DLG2: variants seen among roughly 807,000 people sequenced by gnomAD.
DLG2 encodes the protein discs large MAGUK scaffold protein 2.
Under a neutral mutation model 132.5 loss-of-function variants are expected in DLG2, and 45 were observed. The observed-to-expected ratio is 0.34, with a 90% CI of 0.27 to 0.44. The LOEUF (loss-of-function observed/expected upper bound fraction) is 0.44, where lower values mean the gene tolerates loss of function less well. DLG2 is among the 20% of genes least tolerant of loss of function. DLG2 has a pLI of 1.00. For missense variants in DLG2, 1,045 were observed against 1,196.9 expected (o/e 0.87, Z 1.87); for synonymous variants, 424 against 419.6 (o/e 1.01, Z -0.13).
chr11:84,644,030 G>A (rs1262767050), intron 6 of DLG2, among the ~76,000 whole-genome samples: 2 of 152,128 alleles, frequency 1.3e-5, no homozygotes, highest in African/African-American at 2.4e-5. Context: ...GCTGGTAAGT[G>A]GTAGATGGGG....
intron 3 of DLG2, among the ~76,000 whole-genome samples, chr11:85,387,447 T>C (rs1216047264): frequency 6.6e-6 from 1 of 152,232 alleles, no homozygotes; most frequent in Non-Finnish European, 1.5e-5. Flanking sequence ...AATACAAGCC[T>C]TACTAGTGAG....
intron 11 of DLG2, among the ~76,000 whole-genome samples, chr11:84,027,845 A>C (rs2095580526): frequency 6.6e-6 from 1 of 152,072 alleles, no homozygotes; most frequent in Non-Finnish European, 1.5e-5. Context: ...TTGTAAAATA[A>C]TGTAGGTCTA....
chr11:85,490,461 C>A (rs2093531029), intron 3 of DLG2, among the ~76,000 whole-genome samples: 1 of 151,538 alleles, frequency 6.6e-6, no homozygotes, highest in South Asian at 2.1e-4. Context: ...CAGAGCAGAA[C>A]TAAATGACAA....
At chr11:84,463,588 T>C (rs2099086124) in intron 7 of DLG2, among the ~76,000 whole-genome samples, 1 of 151,182 alleles carries the variant, frequency 6.6e-6, no homozygotes, top group Non-Finnish European at 1.5e-5. Flanking sequence ...TAGATGAAAC[T>C]GCCCCCACTA....
chr11:83,935,412 C>A (rs1374163448), intron 14 of DLG2, among the ~76,000 whole-genome samples: 4 of 152,152 alleles, frequency 2.6e-5, no homozygotes, highest in Non-Finnish European at 4.4e-5. Context: ...AGGCTGTGAA[C>A]TATGTGGCTC....
intron 6 of DLG2, among the ~76,000 whole-genome samples, chr11:84,880,006 T>A (rs2087029374): frequency 6.6e-6 from 1 of 151,854 alleles, no homozygotes; most frequent in Admixed American, 6.6e-5. Flanking sequence ...ACAAGCAAGC[T>A]GGAAATAAGA....
At chr11:85,058,843 C>T (rs2063730856) in intron 6 of DLG2, among the ~76,000 whole-genome samples, 1 of 151,258 alleles carries the variant, frequency 6.6e-6, no homozygotes, top group Non-Finnish European at 1.5e-5. Context: ...TGACCCCTTA[C>T]CTCATACTAT....
In DLG2 at chr11:84,645,794, A is replaced by T. The variant is rs569713659; in HGVS notation, c.358-111063T>A. Among the ~76,000 whole-genome samples, 5 of 152,238 alleles carry T rather than the reference A, an allele frequency of 3.3e-5. No homozygotes were observed. In the South Asian group the frequency reaches 1.0e-3, roughly 32 times the overall value. ...TAGTTATATTTAATAATGTTTTTGC[A>T]TAGAGTGGCTAGCACCACAGGTGAA... On this transcript the variant is annotated intron_variant, in intron 6 of 27. Coordinates refer to ENST00000376104, the MANE Select transcript of DLG2 (RefSeq NM_001142699.3).
chr11:84,575,260 CT>C (rs746598480), intron 6 of DLG2, among the ~76,000 whole-genome samples: 1 of 152,190 alleles, frequency 6.6e-6, no homozygotes, highest in South Asian at 2.1e-4. Flanking sequence ...CTAGCTTAAT[CT>C]TCTGTAACTC....
chr11:85,279,500 T>C (rs150202141), intron 4 of DLG2, among the ~76,000 whole-genome samples: 1 of 152,196 alleles, frequency 6.6e-6, no homozygotes, highest in African/African-American at 2.4e-5. Context: ...AGCTAAAGCT[T>C]ATGTATGAAA....
chr11:84,366,070 T>C (rs975693641), intron 7 of DLG2, among the ~76,000 whole-genome samples: 10 of 151,968 alleles, frequency 6.6e-5, no homozygotes, highest in Non-Finnish European at 1.5e-4. Flanking sequence ...AGAGAAAGGT[T>C]GGGTTATCCA....
At chr11:84,008,934 TTG>T (rs201480597) in intron 11 of DLG2, among the ~76,000 whole-genome samples, 6,379 of 146,650 alleles carry the variant, frequency 0.043, 387 homozygotes, top group African/African-American at 0.15. Context: ...TTTTTTTTTT[TTG>T]TTGTTGTTGT....
At chr11:85,533,582 A>G (rs776438106) in intron 3 of DLG2, among the ~76,000 whole-genome samples, 2 of 151,786 alleles carry the variant, frequency 1.3e-5, no homozygotes, top group Non-Finnish European at 2.9e-5. Flanking sequence ...TGTCTTTGCT[A>G]TTGTGAATGG....
At chr11:84,655,290 T>C (rs190443670) in intron 6 of DLG2, among the ~76,000 whole-genome samples, 22 of 152,260 alleles carry the variant, frequency 1.4e-4, no homozygotes, top group Non-Finnish European at 2.8e-4. Context: ...ATCCAGCTAC[T>C]CAATTTCTAC....
intron 8 of DLG2, among the ~76,000 whole-genome samples, chr11:84,196,680 A>C (rs890788210): frequency 3.2e-4 from 49 of 152,206 alleles, no homozygotes; most frequent in Non-Finnish European, 1.8e-4. Context: ...AAAAGAAAGT[A>C]GTTATTTCTA....
intron 7 of DLG2, among the ~76,000 whole-genome samples, chr11:84,405,941 G>A (rs979842422): frequency 1.3e-5 from 2 of 151,882 alleles, no homozygotes; most frequent in Admixed American, 6.6e-5. Flanking sequence ...CATCTCTATC[G>A]CCATAACCTT....
At chr11:85,039,332 C>A (rs1336635343) in intron 6 of DLG2, among the ~76,000 whole-genome samples, 1 of 151,826 alleles carries the variant, frequency 6.6e-6, no homozygotes, top group African/African-American at 2.4e-5. Context: ...ATCTTATATC[C>A]AGTCTAGGTA....
chr11:83,759,299 C>A (rs902749088), intron 18 of DLG2, among the ~76,000 whole-genome samples: 1 of 152,036 alleles, frequency 6.6e-6, no homozygotes, highest in African/African-American at 2.4e-5. Context: ...CAGGGATAGC[C>A]GAATGGCAGA....
chr11:85,391,355 T>A (rs1238093992), intron 3 of DLG2, among the ~76,000 whole-genome samples: 6 of 151,936 alleles, frequency 3.9e-5, no homozygotes, highest in African/African-American at 7.2e-5. Flanking sequence ...CTGAATTATA[T>A]CAGACATTCA....
Sources: gnomAD v4.1 joint callset for allele counts (sites outside exome capture counted in the v4.1 genomes callset) on GRCh38, gnomAD v4.1.1 for gene constraint, MANE v1.5 for transcripts, NCBI Gene and HGNC (gene_info 2026-07-23, HGNC 2026-07-21) for gene names.